Variants in ZNF185 observed in about 807,000 individuals in gnomAD.
ZNF185 encodes zinc finger protein 185.
In ZNF185, 56 loss-of-function variants were observed where a neutral mutation model predicts 58.6. That is an observed-to-expected ratio of 0.95 (90% CI 0.77 to 1.19). The LOEUF (loss-of-function observed/expected upper bound fraction) is 1.19. Ranked by LOEUF, ZNF185 falls within the 50% of genes most tolerant of loss-of-function variation. The probability of loss-of-function intolerance (pLI) is 0.00; values close to 1 mark genes in which losing one functional copy is unlikely to be tolerated. For missense variants in ZNF185, 627 were observed against 573.5 expected (o/e 1.09, Z -0.95); for synonymous variants, 230 against 215.9 (o/e 1.07, Z -0.57).
chrX:152,927,822 G>GTACA (rs2125435076), intron 11 of ZNF185, among the ~76,000 whole-genome samples: 1 of 20,614 alleles, frequency 4.9e-5, no homozygotes, highest in South Asian at 1.2e-3. Flanking sequence ...CAGGGCCCAG[G>GTACA]GACAAAGGCA....
intron 15 of ZNF185, chrX:152,941,711 G>C: frequency 8.6e-7 from 1 of 1,164,499 alleles, no homozygotes; most frequent in Non-Finnish European, 1.1e-6. Flanking sequence ...AAAGTGAAAT[G>C]GCCGCCCGGG....
intron 15 of ZNF185, among the ~76,000 whole-genome samples, chrX:152,938,831 C>T (rs1311400952): frequency 7.7e-5 from 7 of 90,800 alleles, no homozygotes; most frequent in Non-Finnish European, 1.1e-4. Context: ...AAAACAGCCG[C>T]AGCTGAGATA....
chrX:152,922,324 A>T, intron 10 of ZNF185, 68 bp downstream of exon 11: 1 of 1,027,687 alleles, frequency 9.7e-7, no homozygotes, highest in African/African-American at 1.9e-5. Context: ...TCACTGAGGA[A>T]CCTCAGTCAG....
At chrX:152,912,818 G>A (rs186250182), upstream of ZNF185, among the ~76,000 whole-genome samples, 589 of 112,221 alleles carry the variant, frequency 5.2e-3, 3 homozygotes, top group African/African-American at 0.017. Flanking sequence ...TGCCCATGGG[G>A]CCACTCCACA....
intron 16 of ZNF185, among the ~76,000 whole-genome samples, chrX:152,954,098 C>G (rs912205070): frequency 7.5e-5 from 8 of 107,343 alleles, no homozygotes; most frequent in African/African-American, 2.4e-4. Flanking sequence ...TCAGGACTTG[C>G]AAACATCACA....
At chrX:152,930,144 C>T (rs781800607) in intron 12 of ZNF185, among the ~76,000 whole-genome samples, 9 of 112,255 alleles carry the variant, frequency 8.0e-5, no homozygotes, top group Middle Eastern at 4.6e-3. Flanking sequence ...CAGGCAGATC[C>T]GCTCAGCCTG....
chrX:152,951,240 G>A lies in ZNF185; in HGVS notation c.1409+5776G>A, dbSNP rs781962973. Among the ~76,000 whole-genome samples, 3 of 111,139 alleles carry A rather than the reference G, an allele frequency of 2.7e-5. No homozygotes were observed. In the East Asian group the frequency reaches 8.4e-4, roughly 31 times the overall value. ...CAAAGTGCTGGGATTACAGGCGTGAGCCACTGCACCTAGCCTAAGAAAATT... is the reference window on the plus strand; with the variant it reads ...CAAAGTGCTGGGATTACAGGCGTGAACCACTGCACCTAGCCTAAGAAAATT... On this transcript the variant is annotated intron_variant, in intron 16 of 22. Transcript: ENST00000449285.
At chrX:152,936,940 TGGGATGGGCAAAAATGG>T (rs2046366101) in intron 14 of ZNF185, among the ~76,000 whole-genome samples, 1 of 110,981 alleles carries the variant, frequency 9.0e-6, no homozygotes, top group Non-Finnish European at 1.9e-5. Flanking sequence ...GACCGGTGGC[TGGGATGGGCAAAAATGG>T]CTCCTGGGGC....
At chrX:152,964,498 C>T (rs1490042511) in intron 18 of ZNF185, among the ~76,000 whole-genome samples, 11 of 111,763 alleles carry the variant, frequency 9.8e-5, no homozygotes, top group African/African-American at 3.3e-4. Context: ...GGGGAGGGCC[C>T]GGACTTTGAA....
intron 15 of ZNF185, among the ~76,000 whole-genome samples, chrX:152,940,517 C>G (rs1556888251): frequency 9.0e-6 from 1 of 110,789 alleles, no homozygotes; most frequent in Non-Finnish European, 1.9e-5. Context: ...CTCTAAAGAC[C>G]TGGAATCAAT....
At chrX:152,964,001 T>C in intron 18 of ZNF185, 52 bp downstream of exon 20, 1 of 1,122,183 alleles carries the variant, frequency 8.9e-7, no homozygotes, top group Non-Finnish European at 1.2e-6. Context: ...CACTTCCTCC[T>C]TGGCGGTAAA....
At chrX:152,967,062 C>A (rs782660656) in intron 19 of ZNF185, 105 bp from the exon 22 acceptor site, 27 of 773,473 alleles carry the variant, frequency 3.5e-5, no homozygotes, top group Middle Eastern at 2.9e-4. Context: ...CGACTGGCAT[C>A]GTAGTTATGT....
intron 5 of ZNF185, chrX:152,917,770 T>G (rs2125309727): frequency 9.9e-7 from 1 of 1,006,311 alleles, no homozygotes; most frequent in South Asian, 2.7e-5. Flanking sequence ...TTCAAGCACC[T>G]TGGCATCAGG....
the ZNF185 span, among the ~76,000 whole-genome samples, chrX:152,906,403 G>A: frequency 3.5e-5 from 4 of 113,395 alleles, no homozygotes; most frequent in Non-Finnish European, 7.5e-5. Flanking sequence ...CCAGAGCCAC[G>A]TGAAAGTGCT....
At chrX:152,959,604 C>A in intron 16 of ZNF185, 95 bp from the exon 19 acceptor site, 1 of 988,357 alleles carries the variant, frequency 1.0e-6, no homozygotes, top group Non-Finnish European at 1.4e-6. Flanking sequence ...TGAGTCCCTC[C>A]AAGTCCACGA....
At chrX:152,945,897 A>G (rs782002085) in intron 16 of ZNF185, among the ~76,000 whole-genome samples, 5 of 112,019 alleles carry the variant, frequency 4.5e-5, no homozygotes, top group Non-Finnish European at 9.4e-5. Context: ...GACAGAGTGA[A>G]GCAGAGAGAG....
At chrX:152,899,106 G>A in the ZNF185 span, among the ~76,000 whole-genome samples, 6 of 112,009 alleles carry the variant, frequency 5.4e-5, no homozygotes, top group Non-Finnish European at 9.4e-5. Context: ...TTGCTGAGCC[G>A]TCGGCACGAA....
chrX:152,930,231 G>A (rs1941694370), intron 12 of ZNF185, among the ~76,000 whole-genome samples: 2 of 112,087 alleles, frequency 1.8e-5, no homozygotes, highest in African/African-American at 6.5e-5. Flanking sequence ...ACAGAGAGGG[G>A]TGATGGAAAG....
At chrX:152,966,048 C>T (rs1396257345) in intron 19 of ZNF185, among the ~76,000 whole-genome samples, 5 of 109,481 alleles carry the variant, frequency 4.6e-5, no homozygotes, top group African/African-American at 1.7e-4. Context: ...TGCTCTGTTG[C>T]CCAGGCTGGA....
Sources: allele counts gnomAD v4.1 joint callset (sites outside exome capture counted in the v4.1 genomes callset), GRCh38; gene constraint gnomAD v4.1.1; transcripts MANE v1.5; gene names NCBI Gene and HGNC (gene_info 2026-07-23, HGNC 2026-07-21).